The following MEIS2 variants were observed in gnomAD, a reference collection of about 807,000 sequenced individuals.
The protein encoded by MEIS2 is homeobox protein Meis2.
A neutral mutation model predicts 58.6 loss-of-function variants in MEIS2; 9 were observed. That is an observed-to-expected ratio of 0.15 (90% CI 0.09 to 0.27). MEIS2 has a LOEUF of 0.27. MEIS2 is among the 10% of genes least tolerant of loss of function. The pLI is 1.00. For synonymous variants in MEIS2, 221 were observed against 228.4 expected (o/e 0.97, Z 0.29); for missense variants, 427 against 635.0 (o/e 0.67, Z 3.52).
chr15:37,032,381 G>GT (rs1370770932), intron 8 of MEIS2, among the ~76,000 whole-genome samples: 2 of 152,166 alleles, frequency 1.3e-5, no homozygotes, highest in African/African-American at 4.8e-5. Context: ...GCGTGGAGGA[G>GT]TTTTTTCACG....
At position 36,893,412 on chromosome 15, in the gene MEIS2, G is replaced by A. The variant is rs914969821; in HGVS notation, c.1148-953C>T. ...TGCAGTCATTTTGTTAAGTAGATCC[G>A]CAGTCCATTATTAACAGAAGTGGCA... On this transcript the variant is annotated intron_variant, in intron 11 of 11. Coordinates refer to ENST00000561208, the MANE Select transcript of MEIS2 (RefSeq NM_170675.5). Among the ~76,000 whole-genome samples the A allele has an allele frequency of 6.6e-5, 10 of 152,144 alleles. 1 individual carries two copies. Among genetic ancestry groups the A allele is most frequent in the East Asian group, 5.8e-4 (3 of 5,192 alleles).
intron 9 of MEIS2, among the ~76,000 whole-genome samples, chr15:36,913,733 G>GA (rs75337933): frequency 6.5e-4 from 95 of 145,090 alleles, no homozygotes; most frequent in Admixed American, 2.3e-3. Flanking sequence ...CTCAGGGGGA[G>GA]AAAAAAAAAA....
chr15:36,975,469 G>GTTTTT (rs71126248), intron 8 of MEIS2, among the ~76,000 whole-genome samples: 14 of 135,634 alleles, frequency 1.0e-4, no homozygotes, highest in Admixed American at 1.5e-4. Context: ...AAAAATAAGG[G>GTTTTT]TTTTTTTTTT....
intron 7 of MEIS2, among the ~76,000 whole-genome samples, chr15:37,055,736 T>C (rs1450949709): frequency 2.0e-5 from 3 of 152,134 alleles, no homozygotes; most frequent in Non-Finnish European, 2.9e-5. Flanking sequence ...TGAATATGGG[T>C]CAGGTTTGTA....
chr15:37,038,671 G>C (rs775742460), intron 7 of MEIS2, among the ~76,000 whole-genome samples: 9 of 151,836 alleles, frequency 5.9e-5, no homozygotes, highest in Non-Finnish European at 1.3e-4. Context: ...GTTATGATAA[G>C]AAAAAAGGGA....
chr15:36,936,284 T>TC (rs1327217502), intron 9 of MEIS2, among the ~76,000 whole-genome samples: 1 of 60,158 alleles, frequency 1.7e-5, no homozygotes, highest in Admixed American at 1.1e-4. Flanking sequence ...AAGCTCCGCC[T>TC]CCCGGGGTTC....
At chr15:36,996,934 G>A (rs1268565165) in intron 8 of MEIS2, among the ~76,000 whole-genome samples, 1 of 152,156 alleles carries the variant, frequency 6.6e-6, no homozygotes, top group African/African-American at 2.4e-5. Flanking sequence ...GGTTTTACTT[G>A]TCAAGTCCTC....
Position 37,099,455 on chromosome 15 carries a change from C to T in MEIS2, c.12G>A (p.Arg4=). 1 of 1,613,960 alleles carries T rather than the reference C, an allele frequency of 6.2e-7. No individual in the cohort carries two copies. The highest frequency in any genetic ancestry group is 8.5e-7 in the Non-Finnish European group (1 of 1,179,944). Residue 4 remains arginine, a splice_region_variant and synonymous_variant, in exon 1 of 12, where the codon AGG becomes AGA. Coordinates refer to ENST00000561208, the MANE Select transcript of MEIS2 (RefSeq NM_170675.5). ...GTAAGTGTTGGAGATTTAAACCTACCCTTTGCGCCATCAGTCTGCGCTCCA... is the reference window on the plus strand; with the variant it reads ...GTAAGTGTTGGAGATTTAAACCTACTCTTTGCGCCATCAGTCTGCGCTCCA... The part of the protein sequence containing the change: MAQ[R]YDELPHYGGM...
intron 7 of MEIS2, among the ~76,000 whole-genome samples, chr15:37,037,794 C>A (rs910718667): frequency 6.6e-6 from 1 of 152,190 alleles, no homozygotes; most frequent in Non-Finnish European, 1.5e-5. Flanking sequence ...AAAATTCATA[C>A]GAGCACGTCT....
intron 7 of MEIS2, among the ~76,000 whole-genome samples, chr15:37,038,300 C>T (rs1056690605): frequency 6.6e-6 from 1 of 152,192 alleles, no homozygotes; most frequent in African/African-American, 2.4e-5. Context: ...TCCCTCCTCT[C>T]GGACTATGCT....
At chr15:37,037,457 C>T (rs1390808906) in intron 7 of MEIS2, among the ~76,000 whole-genome samples, 1 of 152,092 alleles carries the variant, frequency 6.6e-6, no homozygotes, top group Non-Finnish European at 1.5e-5. Flanking sequence ...CACGCACATT[C>T]GCACACTTCT....
intron 9 of MEIS2, among the ~76,000 whole-genome samples, chr15:36,899,378 C>T (rs2056352683): frequency 6.6e-6 from 1 of 152,170 alleles, no homozygotes; most frequent in Non-Finnish European, 1.5e-5. Flanking sequence ...CCTACCAGTA[C>T]TGATGACTCA....
At chr15:37,027,372 C>T (rs193090097) in intron 8 of MEIS2, among the ~76,000 whole-genome samples, 6 of 152,158 alleles carry the variant, frequency 3.9e-5, no homozygotes, top group African/African-American at 1.4e-4. Context: ...ATTCTCATAA[C>T]CCAGTCAACT....
intron 9 of MEIS2, among the ~76,000 whole-genome samples, chr15:36,906,451 G>A (rs1189494347): frequency 6.6e-6 from 1 of 152,044 alleles, no homozygotes; most frequent in Non-Finnish European, 1.5e-5. Flanking sequence ...TGAAAAAGGA[G>A]AGATACAAAT....
At chr15:36,982,873 T>A (rs945548640) in intron 8 of MEIS2, among the ~76,000 whole-genome samples, 1 of 152,136 alleles carries the variant, frequency 6.6e-6, no homozygotes, top group Admixed American at 6.6e-5. Context: ...CTCATTGTGG[T>A]TTTGATTTAC....
intron 1 of MEIS2, 26 bp downstream of exon 1, chr15:37,099,428 AG>A (rs775019870): frequency 1.2e-6 from 2 of 1,614,110 alleles, no homozygotes; most frequent in Non-Finnish European, 1.7e-6. Context: ...ATTTATATCT[AG>A]GTAAGTGTTG....
intron 9 of MEIS2, among the ~76,000 whole-genome samples, chr15:36,941,691 C>T (rs189381187): frequency 1.4e-4 from 21 of 152,278 alleles, no homozygotes; most frequent in African/African-American, 4.8e-4. Flanking sequence ...ACATCTGTGA[C>T]CATCTCTGTA....
chr15:37,009,116 T>C (rs542736159), intron 8 of MEIS2, among the ~76,000 whole-genome samples: 74 of 152,098 alleles, frequency 4.9e-4, no homozygotes, highest in South Asian at 3.3e-3. Context: ...GGTGAAACCC[T>C]GTCTCTACTA....
intron 8 of MEIS2, among the ~76,000 whole-genome samples, chr15:37,001,777 T>G: frequency 6.6e-6 from 1 of 152,334 alleles, no homozygotes; most frequent in Non-Finnish European, 1.5e-5. Context: ...TACATTGTTT[T>G]CTTTAGATTC....
Sources: allele counts gnomAD v4.1 joint callset (sites outside exome capture counted in the v4.1 genomes callset), GRCh38; gene constraint gnomAD v4.1.1; transcripts MANE v1.5; gene names NCBI Gene and HGNC (gene_info 2026-07-23, HGNC 2026-07-21).